Variants in DNAH14 observed in about 807,000 individuals in gnomAD.
DNAH14 encodes the protein dynein axonemal heavy chain 14, also known as axonemal beta dynein heavy chain 14.
Under a neutral mutation model 520.9 loss-of-function variants are expected in DNAH14, and 478 were observed. The observed-to-expected ratio is 0.92, with a 90% confidence interval of 0.85 to 0.99. The LOEUF (loss-of-function observed/expected upper bound fraction) is 0.99, where lower values mean the gene tolerates loss of function less well. Ranked by LOEUF, DNAH14 falls within the 50% of genes least tolerant of loss-of-function variation. The probability of loss-of-function intolerance (pLI) is 0.00; values close to 1 mark genes in which losing one functional copy is unlikely to be tolerated. For missense variants in DNAH14, 4,831 were observed against 5,234.5 expected (o/e 0.92, Z 2.38); for synonymous variants, 1,581 against 1,757.2 (o/e 0.90, Z 2.51).
chr1:225,039,583 G>GAA (rs75858834), intron 12 of DNAH14, among the ~76,000 whole-genome samples: 1 of 143,584 alleles, frequency 7.0e-6, no homozygotes, highest in African/African-American at 2.5e-5. Context: ...TCTTTAGTAT[G>GAA]AAAAAAAAAA....
rs747024249 is a variant in DNAH14 at position 225,300,910 on chromosome 1, A to T, written c.8511A>T (p.Gly2837=). ...LEDLNYIISS[G]RIPDLFENVE... ...ATTTGAACTACATCATCAGTTCAGG[A>T]AGAATACCTGACCTGTTTGAAAATG... Residue 2837 remains glycine (G), a synonymous_variant, in exon 56 of 86, where the codon GGA becomes GGT. Transcript: ENST00000682510. The T allele has an allele frequency of 7.2e-5, 111 of 1,551,334 alleles. No homozygotes were observed. Among genetic ancestry groups the T allele is most frequent in the Admixed American group, 1.2e-4 (6 of 50,972 alleles).
intron 27 of DNAH14, among the ~76,000 whole-genome samples, chr1:225,125,326 T>C (rs1216209613): frequency 1.3e-5 from 2 of 152,226 alleles, no homozygotes; most frequent in Non-Finnish European, 2.9e-5. Flanking sequence ...AAGTCTTGGA[T>C]GGCCTCTTCT....
chr1:225,134,280 G>A (rs1473452735), intron 27 of DNAH14, among the ~76,000 whole-genome samples: 1 of 152,156 alleles, frequency 6.6e-6, no homozygotes, highest in Non-Finnish European at 1.5e-5. Context: ...GGAGTGGTGA[G>A]AGAGGGCATC....
chr1:224,929,700 T>A lies in DNAH14; in HGVS notation c.-169T>A. ...GTCAGGCGGTTACGGCCAGGAGGCG[T>A]CGGAGCCTGGCGTGGTAGGGCTGTG... On this transcript the variant is annotated 5_prime_UTR_variant, in exon 1 of 86. Transcript: ENST00000682510. 1 of 702,360 alleles carries A rather than the reference T, an allele frequency of 1.4e-6. No homozygotes were observed. The highest frequency in any genetic ancestry group is 1.5e-5 in the South Asian group (1 of 67,594). The allele number at this position is 702,360 out of a possible 1,614,324, so 43.5% of individuals were successfully genotyped here. A position where few individuals can be genotyped will look rare whatever the true frequency, so the allele number is the denominator to read the frequency against.
chr1:225,062,704 T>C (rs1572802564), intron 17 of DNAH14, among the ~76,000 whole-genome samples: 1 of 151,908 alleles, frequency 6.6e-6, no homozygotes, highest in African/African-American at 2.4e-5. Context: ...GAGTGGAGGG[T>C]CTCAACAATT....
At chr1:225,050,155 A>G in intron 15 of DNAH14, 55 bp from the exon 16 acceptor site, 1 of 1,432,700 alleles carries the variant, frequency 7.0e-7, no homozygotes, top group Non-Finnish European at 9.3e-7. Flanking sequence ...ATAATTTTGA[A>G]GTGTTGCTTT....
Position 225,097,249 on chromosome 1 carries a change from C to T in DNAH14, c.3695+10C>T, listed in dbSNP as rs1372281772. On this transcript the variant is annotated intron_variant, in intron 22 of 85. Transcript: ENST00000682510. ...CTTCAGAAATACGAAGGTAAAATAC[C>T]TAAAATATACCATATACAGGTTCAA... 1 of 1,546,674 alleles carries T rather than the reference C, an allele frequency of 6.5e-7. No homozygotes were observed. Among genetic ancestry groups the T allele is most frequent in the South Asian group, 1.2e-5 (1 of 83,420 alleles).
Position 225,387,839 on chromosome 1 carries a change from A to C in DNAH14, c.13078-540A>C, listed in dbSNP as rs571044312. Among the ~76,000 whole-genome samples, 8 of 152,298 alleles carry C rather than the reference A, an allele frequency of 5.3e-5. No homozygotes were observed. The South Asian group carries it at 1.7e-3, about 32-fold the overall frequency. ...CAAGGGTCTCCTCCTCCCCACTTGC[A>C]ACAAACAGGTAGGATTGAGTGTTGG... On this transcript the variant is annotated intron_variant, in intron 81 of 85. Transcript: ENST00000682510.
intron 54 of DNAH14, among the ~76,000 whole-genome samples, chr1:225,278,960 C>T (rs2093560485): frequency 6.6e-6 from 1 of 152,030 alleles, no homozygotes; most frequent in Non-Finnish European, 1.5e-5. Context: ...TCCTCTGATC[C>T]TATTACTGTT....
At chr1:225,199,450 C>A (rs1176946490) in intron 38 of DNAH14, among the ~76,000 whole-genome samples, 1 of 152,052 alleles carries the variant, frequency 6.6e-6, no homozygotes, top group African/African-American at 2.4e-5. Flanking sequence ...TGTGCTCTTT[C>A]AGTCTTTTTG....
intron 68 of DNAH14, among the ~76,000 whole-genome samples, chr1:225,339,289 C>T (rs987701232): frequency 5.9e-5 from 9 of 152,106 alleles, no homozygotes; most frequent in Middle Eastern, 3.4e-3. Flanking sequence ...CCAGCCTGGG[C>T]GACAAGAGTG....
At chr1:225,159,198 G>C in intron 34 of DNAH14, 116 bp from the exon 35 acceptor site, 1 of 763,562 alleles carries the variant, frequency 1.3e-6, no homozygotes, top group Non-Finnish European at 2.1e-6. Flanking sequence ...CAGTGAGAGA[G>C]AGGAGGGAAG....
chr1:225,080,742 G>T lies in DNAH14; in HGVS notation c.3130G>T (p.Glu1044Ter), dbSNP rs2073022897. The change falls in exon 19 of 86, where the codon GAA becomes TAA. Residue 1044 changes from glutamate (E) to a stop codon, truncating the protein, a stop_gained. Coordinates refer to ENST00000682510, the MANE Select transcript of DNAH14 (RefSeq NM_001367479.1). LOFTEE classifies it high-confidence loss of function. ...ACTGATGCACATAATCTCGGTACTA[G>T]AAAAAGGTAAAAATGTGTTTCTCAA... The part of the protein sequence containing the change: ...SKLMHIISVL[E>*]KGLPKSDMVT... 1 of 1,507,202 alleles carries T rather than the reference G, an allele frequency of 6.6e-7. No individual in the cohort carries two copies. Among genetic ancestry groups the T allele is most frequent in the East Asian group, 2.5e-5 (1 of 40,662 alleles). 93.4% of individuals were successfully genotyped at this position (1,507,202 alleles called of 1,614,324 possible).
At chr1:225,323,966 C>T (rs2094603962) in intron 62 of DNAH14, among the ~76,000 whole-genome samples, 1 of 151,956 alleles carries the variant, frequency 6.6e-6, no homozygotes, top group Admixed American at 6.6e-5. Context: ...CAGGCGTGTG[C>T]CACCATGCAC....
chr1:224,970,175 C>T (rs370126551), intron 7 of DNAH14, among the ~76,000 whole-genome samples: 7 of 152,066 alleles, frequency 4.6e-5, no homozygotes, highest in South Asian at 2.1e-4. Context: ...CTGAAATGGC[C>T]GCTTCGGGGG....
intron 34 of DNAH14, among the ~76,000 whole-genome samples, chr1:225,158,893 T>C (rs1237800856): frequency 6.6e-6 from 1 of 152,200 alleles, no homozygotes; most frequent in East Asian, 1.9e-4. Flanking sequence ...ATGGCAGACA[T>C]GTTTTCATAA....
chr1:225,075,726 A>G (rs1449684435), intron 17 of DNAH14, among the ~76,000 whole-genome samples: 5 of 152,180 alleles, frequency 3.3e-5, no homozygotes, highest in Non-Finnish European at 7.4e-5. Flanking sequence ...GTCAGTTCAT[A>G]CAACTCTATT....
At chr1:225,348,997 A>G (rs2095326649) in intron 71 of DNAH14, among the ~76,000 whole-genome samples, 1 of 152,100 alleles carries the variant, frequency 6.6e-6, no homozygotes. Context: ...TTTTTGAGAC[A>G]TAGTCTCACT....
chr1:225,357,847 G>A (rs886609555), intron 73 of DNAH14: 11 of 701,684 alleles, frequency 1.6e-5, no homozygotes, highest in Non-Finnish European at 2.6e-5. Flanking sequence ...CATATTTTAT[G>A]GTCATTGTGT....
Sources: allele counts gnomAD v4.1 joint callset (sites outside exome capture counted in the v4.1 genomes callset), GRCh38; gene constraint gnomAD v4.1.1; transcripts MANE v1.5; gene names NCBI Gene and HGNC (gene_info 2026-07-23, HGNC 2026-07-21).